Variants in RPL23A observed in about 807,000 individuals in gnomAD.
RPL23A encodes ribosomal protein L23a.
RPL23A carries 2 observed loss-of-function variants against 17.6 expected under a neutral mutation model. The ratio of observed to expected loss-of-function variants is 0.11; its 90% CI spans 0.05 to 0.36. The LOEUF is 0.36. Ranked by LOEUF, RPL23A falls within the 10% of genes least tolerant of loss-of-function variation. The probability of loss-of-function intolerance (pLI) is 1.00; values close to 1 mark genes in which losing one functional copy is unlikely to be tolerated. For synonymous variants in RPL23A, 65 were observed against 74.3 expected (o/e 0.87, Z 0.65); for missense variants, 132 against 194.4 (o/e 0.68, Z 1.91).
chr17:28,721,308 C>G (rs932191122), intron 2 of RPL23A: 1 of 171,670 alleles, frequency 5.8e-6, no homozygotes, highest in Admixed American at 5.6e-5. Flanking sequence ...GAGCGGAGAT[C>G]GTACCATTGC....
intron 3 of RPL23A, 40 bp from the exon 4 acceptor site, chr17:28,723,531 G>C: frequency 6.7e-7 from 1 of 1,482,344 alleles, no homozygotes; most frequent in Non-Finnish European, 9.4e-7. Flanking sequence ...TGTGGGGGCA[G>C]TGAGGGTGGC....
chr17:28,722,755 T>C lies in RPL23A; in HGVS notation c.242T>C (p.Leu81Pro). 6.2e-7 allele frequency: 1 copy of C among 1,614,108 alleles called. No homozygotes were observed. Residue 81 changes from leucine (L) to proline (P), a missense_variant, in exon 3 of 5, where the codon CTG becomes CCG. Around this residue, in one of 2 missense-constraint regions of RPL23A, gnomAD observed 69 missense variants for 145.5 expected, o/e 0.47. Coordinates refer to ENST00000422514, the MANE Select transcript of RPL23A (RefSeq NM_000984.6). ...LDHYAIIKFP[L>P]TTESAMKKIE... The stretch of plus-strand genomic sequence containing the variant: ...CACTATGCTATCATCAAGTTTCCGC[T>C]GACCACTGAGTCTGCCATGAAGAAG...
chr17:28,720,903 C>T lies in RPL23A; in HGVS notation c.209+13C>T, dbSNP rs757433650. Reference sequence around the variant, plus strand: ...CCAGGAGAAACAAGTCAGTACTGCCCCCTGTACCCATGAAAAGATTTGGGT... The same window carrying T: ...CCAGGAGAAACAAGTCAGTACTGCCTCCTGTACCCATGAAAAGATTTGGGT... On this transcript the variant is annotated intron_variant, in intron 2 of 4. Transcript: ENST00000422514. 8.7e-6 allele frequency: 14 copies of T among 1,606,450 alleles called. No homozygotes were observed. The African/African-American group carries it at 1.5e-4, about 17-fold the overall frequency.
At chr17:28,720,232 G>GC (rs2034085194) in intron 1 of RPL23A, 2 of 1,539,198 alleles carry the variant, frequency 1.3e-6, no homozygotes, top group East Asian at 4.9e-5. Flanking sequence ...AGTTGGGGGG[G>GC]GGCAACGCGG....
chr17:28,720,069 G>A, intron 1 of RPL23A, 39 bp downstream of exon 1: 3 of 1,550,618 alleles, frequency 1.9e-6, no homozygotes, highest in Non-Finnish European at 2.6e-6. Context: ...GTTTACCGGG[G>A]ATTGCCGCGC....
rs1597797992 is a variant in RPL23A at position 28,723,600 on chromosome 17, G to A, written c.416G>A (p.Arg139Gln). Residue 139 changes from arginine (R) to glutamine (Q), a missense_variant, in exon 4 of 5, where the codon CGA becomes CAA. This residue lies in a region of RPL23A where 69 missense variants were observed against 145.5 expected (regional missense o/e 0.47). Coordinates refer to ENST00000422514, the MANE Select transcript of RPL23A (RefSeq NM_000984.6). The part of the protein sequence containing the change: ...RPDGEKKAYV[R>Q]LAPDYDALDV... The stretch of plus-strand genomic sequence containing the variant: ...GATGGAGAGAAGAAGGCATATGTTC[G>A]ACTGGCTCCTGATTACGATGCTTTG... The A allele has an allele frequency of 6.2e-7, 1 of 1,613,996 alleles. No homozygotes were observed. The highest frequency in any genetic ancestry group is 2.2e-5 in the East Asian group (1 of 44,888).
At chr17:28,723,258 T>C in intron 3 of RPL23A, 1 of 554,978 alleles carries the variant, frequency 1.8e-6, no homozygotes, top group Admixed American at 2.8e-5. Flanking sequence ...TGTGTGGACC[T>C]GAGGCTTTCT....
intron 2 of RPL23A, among the ~76,000 whole-genome samples, chr17:28,722,245 CA>C (rs57128027): frequency 0.15 from 18,775 of 126,910 alleles, 1,286 homozygotes; most frequent in African/African-American, 0.23. Flanking sequence ...GACTCTGTCT[CA>C]AAAAAAAAAA....
At chr17:28,722,405 T>C (rs1368399349) in intron 2 of RPL23A, 3 of 442,522 alleles carry the variant, frequency 6.8e-6, no homozygotes, top group Middle Eastern at 8.2e-4. Flanking sequence ...TCACGATCTC[T>C]TGACCTCGTG....
intron 2 of RPL23A, 105 bp from the exon 3 acceptor site, chr17:28,722,618 G>A (rs2034136578): frequency 1.0e-6 from 1 of 973,584 alleles, no homozygotes; most frequent in South Asian, 1.3e-5. Flanking sequence ...ACCAAAGTCT[G>A]AACAAAGTGA....
intron 3 of RPL23A, among the ~76,000 whole-genome samples, chr17:28,723,113 T>TA (rs774938617): frequency 0.075 from 9,848 of 131,486 alleles, 883 homozygotes; most frequent in African/African-American, 0.23. Flanking sequence ...AGGCCCTTTT[T>TA]AAAAAAAAAA....
At chr17:28,723,766 A>C in intron 4 of RPL23A, 101 bp from the exon 5 acceptor site, 1 of 1,394,368 alleles carries the variant, frequency 7.2e-7, no homozygotes, top group Non-Finnish European at 1.0e-6. Flanking sequence ...TATCCTTGAC[A>C]AACCTTATCC....
chr17:28,720,389 A>G (rs751976186), intron 1 of RPL23A: 8 of 1,578,330 alleles, frequency 5.1e-6, no homozygotes, highest in Admixed American at 3.8e-5. Flanking sequence ...CAACCGGGCT[A>G]CATTACCCGC....
rs1338454678 is a variant in RPL23A at position 28,724,188 on chromosome 17, G to A, written c.*307G>A. On this transcript the variant is annotated 3_prime_UTR_variant, in exon 5 of 5. Transcript: ENST00000422514. ...CCCTTTTATCCCTGGAAGAGGCTGT[G>A]TATGAAACCAATGCCCAGGGTTTGA... 1 of 504,806 alleles carries A rather than the reference G, an allele frequency of 2.0e-6. No individual in the cohort carries two copies. The highest frequency in any genetic ancestry group is 3.5e-6 in the Non-Finnish European group (1 of 287,778). The allele number at this position is 504,806 out of a possible 1,614,324, so 31.3% of individuals were successfully genotyped here. A position where few individuals can be genotyped will look rare whatever the true frequency, so the allele number is the denominator to read the frequency against.
chr17:28,719,989 G>C lies in RPL23A; in HGVS notation c.-17G>C, dbSNP rs891509006. The C allele has an allele frequency of 6.4e-7, 1 of 1,551,912 alleles. No homozygotes were observed. Among genetic ancestry groups the C allele is most frequent in the Non-Finnish European group, 8.7e-7 (1 of 1,147,046 alleles). ...TATAAGCCCGTGGGAACGAGCATTG[G>C]AGACCCTTTTCACAAGATGGCGCCG... is the stretch of plus-strand genomic sequence containing the variant. On this transcript the variant is annotated 5_prime_UTR_variant, in exon 1 of 5. Transcript: ENST00000422514.
chr17:28,719,997 T>C lies in RPL23A; in HGVS notation c.-9T>C, dbSNP rs977647073. 137 of 1,551,810 alleles carry C rather than the reference T, an allele frequency of 8.8e-5. No homozygotes were observed. Among genetic ancestry groups the C allele is most frequent in the Non-Finnish European group, 1.2e-4 (137 of 1,147,072 alleles). The stretch of plus-strand genomic sequence containing the variant: ...CGTGGGAACGAGCATTGGAGACCCT[T>C]TTCACAAGATGGCGCCGAAAGCGAA... On this transcript the variant is annotated 5_prime_UTR_variant, in exon 1 of 5. Coordinates refer to ENST00000422514, the MANE Select transcript of RPL23A (RefSeq NM_000984.6).
At chr17:28,720,538 G>C (rs756132249) in intron 1 of RPL23A, 169 bp from the exon 2 acceptor site, 5 of 1,441,132 alleles carry the variant, frequency 3.5e-6, no homozygotes, top group Non-Finnish European at 3.9e-6. Flanking sequence ...GGTCGCTTTC[G>C]CCTCTGGTAT....
chr17:28,720,220 G>A (rs529577889), intron 1 of RPL23A, 190 bp downstream of exon 1: 55 of 1,535,438 alleles, frequency 3.6e-5, no homozygotes, highest in East Asian at 3.5e-4. Context: ...TCCGGTAGAG[G>A]GAGTTGGGGG....
rs756948451 is a variant in RPL23A at position 28,720,605 on chromosome 17, C to T, written c.26-102C>T. ...GACACTTGTGATGTCTTCAAAGGAACCACTGATGCACCTGTGGCCAGGGTG... is the reference window on the plus strand; with the variant it reads ...GACACTTGTGATGTCTTCAAAGGAATCACTGATGCACCTGTGGCCAGGGTG... On this transcript the variant is annotated intron_variant, in intron 1 of 4. Coordinates refer to ENST00000422514, the MANE Select transcript of RPL23A (RefSeq NM_000984.6). 7.1e-6 allele frequency: 10 copies of T among 1,399,608 alleles called. No individual in the cohort carries two copies. In the East Asian group the frequency reaches 2.3e-4, roughly 32 times the overall value. 86.7% of individuals were successfully genotyped at this position (1,399,608 alleles called of 1,614,324 possible). A position where few individuals can be genotyped will look rare whatever the true frequency, so the allele number is the denominator to read the frequency against.
Sources: gnomAD v4.1 joint callset for allele counts (sites outside exome capture counted in the v4.1 genomes callset) on GRCh38, gnomAD v4.1.1 for gene constraint, gnomAD v4.1.1 regional missense constraint, MANE v1.5 for transcripts, NCBI Gene and HGNC (gene_info 2026-07-23, HGNC 2026-07-21) for gene names.